The following PTPRD variants were observed in gnomAD, a reference collection of about 807,000 sequenced individuals.
PTPRD encodes receptor-type tyrosine-protein phosphatase delta.
Under a neutral mutation model 214.5 loss-of-function variants are expected in PTPRD, and 34 were observed. The ratio of observed to expected loss-of-function variants is 0.16; its 90% confidence interval spans 0.12 to 0.21. PTPRD has a LOEUF of 0.21. PTPRD is among the 10% of genes least tolerant of loss of function. The pLI is 1.00. For missense variants in PTPRD, 2,545 were observed against 2,398.7 expected, an observed-to-expected ratio of 1.06 and a Z score of -1.27; for synonymous variants, 1,128 against 845.7, an observed-to-expected ratio of 1.33 and a Z score of -5.79.
At chr9:9,607,172 G>T (rs750713768) in intron 7 of PTPRD, among the ~76,000 whole-genome samples, 2 of 151,820 alleles carry the variant, frequency 1.3e-5, no homozygotes, top group Non-Finnish European at 2.9e-5. Context: ...TGAGGGTGAG[G>T]ATTAGAAGAG....
At chr9:8,352,809 C>G (rs1375476439) in intron 39 of PTPRD, among the ~76,000 whole-genome samples, 1 of 152,034 alleles carries the variant, frequency 6.6e-6, no homozygotes, top group Non-Finnish European at 1.5e-5. Flanking sequence ...TTTGGTTTTT[C>G]TTTTTAAAAA....
At chr9:9,565,301 G>A (rs1041449935) in intron 8 of PTPRD, among the ~76,000 whole-genome samples, 6 of 151,598 alleles carry the variant, frequency 4.0e-5, no homozygotes, top group African/African-American at 7.3e-5. Flanking sequence ...AAAAATATGC[G>A]GTTTTTAAAA....
chr9:9,405,564 A>G (rs1222884653), intron 8 of PTPRD, among the ~76,000 whole-genome samples: 1 of 152,046 alleles, frequency 6.6e-6, no homozygotes, highest in East Asian at 1.9e-4. Context: ...AATCTACTTC[A>G]GTTTCAATTA....
At chr9:10,414,204 T>C (rs7021239) in intron 2 of PTPRD, among the ~76,000 whole-genome samples, 111,628 of 151,848 alleles carry the variant, frequency 0.74, 41,667 homozygotes, top group East Asian at 0.81. Context: ...GCAAACTACG[T>C]GTCTGACAAA....
At chr9:9,844,438 G>C (rs975199503) in intron 5 of PTPRD, among the ~76,000 whole-genome samples, 1 of 151,928 alleles carries the variant, frequency 6.6e-6, no homozygotes, top group Admixed American at 6.6e-5. Flanking sequence ...TGCCCGGGCT[G>C]AGGTGTGGGG....
intron 21 of PTPRD, among the ~76,000 whole-genome samples, chr9:8,514,098 C>T (rs1402000996): frequency 1.3e-5 from 2 of 152,068 alleles, no homozygotes; most frequent in Non-Finnish European, 2.9e-5. Context: ...CACAGTAACT[C>T]AGTTGCCCCT....
chr9:9,261,269 C>T (rs62534658), intron 9 of PTPRD, among the ~76,000 whole-genome samples: 25,570 of 151,718 alleles, frequency 0.17, 2,322 homozygotes, highest in Middle Eastern at 0.21. Flanking sequence ...TGTTTATAGG[C>T]TTCATTTTTT....
At position 9,846,588 on chromosome 9, in the gene PTPRD, T is replaced by A. The variant is rs1599608322; in HGVS notation, c.-367-79737A>T. On this transcript the variant is annotated intron_variant, in intron 5 of 45. Transcript: ENST00000381196. ...ATCAAAACATGGTGTACATAAAGAG[T>A]TACCAGACGAGTTTGCAGCTAGGTG... Among the ~76,000 whole-genome samples the A allele has an allele frequency of 2.6e-5, 4 of 152,154 alleles. No individual in the cohort carries two copies. The South Asian group carries it at 8.3e-4, about 32-fold the overall frequency.
chr9:8,532,837 AC>A (rs1003581886), intron 14 of PTPRD, among the ~76,000 whole-genome samples: 44 of 152,030 alleles, frequency 2.9e-4, no homozygotes, highest in African/African-American at 1.0e-3. Context: ...GAAATATAGC[AC>A]CCTCTTTGAA....
At chr9:9,593,661 G>A (rs2092992989) in intron 7 of PTPRD, among the ~76,000 whole-genome samples, 1 of 152,000 alleles carries the variant, frequency 6.6e-6, no homozygotes, top group Admixed American at 6.6e-5. Context: ...AGAAAAAAGA[G>A]AACCCTCTGT....
intron 11 of PTPRD, among the ~76,000 whole-genome samples, chr9:8,889,239 G>T (rs559795898): frequency 6.6e-6 from 1 of 152,134 alleles, no homozygotes; most frequent in African/African-American, 2.4e-5. Flanking sequence ...AATACAGAGA[G>T]ATGGTAGAAT....
intron 32 of PTPRD, 45 bp downstream of exon 32, chr9:8,465,421 G>A (rs2096527169): frequency 6.5e-7 from 1 of 1,546,622 alleles, no homozygotes; most frequent in East Asian, 2.3e-5. Flanking sequence ...CAGTGAAAAT[G>A]TATAAGCGTA....
intron 2 of PTPRD, among the ~76,000 whole-genome samples, chr9:10,387,926 G>T (rs1308595696): frequency 7.1e-6 from 1 of 140,578 alleles, no homozygotes; most frequent in Non-Finnish European, 1.5e-5. Context: ...CTCCCAAAGT[G>T]CTGGAATTAC....
intron 44 of PTPRD, among the ~76,000 whole-genome samples, chr9:8,330,283 A>G (rs1047047502): frequency 1.3e-5 from 2 of 152,314 alleles, no homozygotes; most frequent in African/African-American, 4.8e-5. Context: ...CTCACTGGGA[A>G]CAGCAGACCA....
At chr9:9,385,211 G>A (rs919537948) in intron 9 of PTPRD, among the ~76,000 whole-genome samples, 3 of 152,006 alleles carry the variant, frequency 2.0e-5, no homozygotes, top group Non-Finnish European at 4.4e-5. Context: ...AAGTAATTTG[G>A]CATTTTCACC....
intron 2 of PTPRD, among the ~76,000 whole-genome samples, chr9:10,584,267 C>A (rs965787672): frequency 6.6e-6 from 1 of 152,032 alleles, no homozygotes; most frequent in Non-Finnish European, 1.5e-5. Flanking sequence ...AGCCTAGGAA[C>A]TGTATTTGGC....
chr9:10,298,783 G>C (rs1241463681), intron 3 of PTPRD, among the ~76,000 whole-genome samples: 2 of 151,838 alleles, frequency 1.3e-5, no homozygotes, highest in South Asian at 2.1e-4. Context: ...GTCACTGAAA[G>C]GCATTCTCTA....
intron 8 of PTPRD, among the ~76,000 whole-genome samples, chr9:9,443,589 G>T (rs1036623480): frequency 4.6e-5 from 7 of 152,190 alleles, no homozygotes; most frequent in Admixed American, 4.6e-4. Flanking sequence ...TACGTAAGAA[G>T]TCTGACTACT....
At chr9:8,707,311 T>G (rs1445142342) in intron 12 of PTPRD, among the ~76,000 whole-genome samples, 3 of 152,242 alleles carry the variant, frequency 2.0e-5, no homozygotes, top group Non-Finnish European at 4.4e-5. Context: ...TGGATATTTC[T>G]CCATCAGAAA....
Sources: allele counts gnomAD v4.1 joint callset (sites outside exome capture counted in the v4.1 genomes callset), GRCh38; gene constraint gnomAD v4.1.1; transcripts MANE v1.5; gene names NCBI Gene and HGNC (gene_info 2026-07-23, HGNC 2026-07-21).